The following SPTAN1 variants were observed in gnomAD, a reference collection of about 807,000 sequenced individuals.
The protein encoded by SPTAN1 is spectrin alpha chain, non-erythrocytic 1.
A neutral mutation model predicts 331.3 loss-of-function variants in SPTAN1; 61 were observed. That is an observed-to-expected ratio of 0.18 (90% CI 0.15 to 0.23). The LOEUF is 0.23. SPTAN1 is among the 10% of genes least tolerant of loss of function. The pLI is 1.00. For synonymous variants in SPTAN1, 1,153 were observed against 1,173.9 expected (o/e 0.98, Z 0.36); for missense variants, 2,043 against 3,147.9 (o/e 0.65, Z 8.40).
rs749009632 is a variant in SPTAN1 at position 128,621,164 on chromosome 9, C to G, written c.5740C>G (p.Leu1914Val). Residue 1914 changes from leucine (L) to valine (V), a missense_variant, in exon 45 of 57, where the codon CTG (leucine) becomes GTG (valine). Transcript: ENST00000372739. ...GDTLAAIQGL[L>V]KKHEAFETDF... ...TTGGCTGCTTCTACTCCAGGGCTTACTGAAGAAACATGAAGCTTTTGAGAC... is the reference window on the plus strand; with the variant it reads ...TTGGCTGCTTCTACTCCAGGGCTTAGTGAAGAAACATGAAGCTTTTGAGAC... 5 of 1,614,150 alleles carry G rather than the reference C, an allele frequency of 3.1e-6. No individual in the cohort carries two copies. In the South Asian group the frequency reaches 5.5e-5, roughly 18 times the overall value.
chr9:128,592,820 T>G (rs1046499350), intron 22 of SPTAN1, among the ~76,000 whole-genome samples, 163 bp from the exon 23 acceptor site: 2 of 152,226 alleles, frequency 1.3e-5, no homozygotes, highest in African/African-American at 4.8e-5. Context: ...TTTACTGTCA[T>G]GTCACTCATG....
At chr9:128,571,206 C>G (rs1418749491) in intron 3 of SPTAN1, among the ~76,000 whole-genome samples, 1 of 151,618 alleles carries the variant, frequency 6.6e-6, no homozygotes, top group Non-Finnish European at 1.5e-5. Flanking sequence ...GGGAGGATTG[C>G]TTGATCCTGG....
intron 31 of SPTAN1, among the ~76,000 whole-genome samples, chr9:128,606,560 C>T (rs765589582): frequency 2.0e-5 from 3 of 150,418 alleles, no homozygotes; most frequent in Non-Finnish European, 3.0e-5. Flanking sequence ...CTCAGCTCAC[C>T]GCAACCTCCG....
chr9:128,586,097 T>A, intron 19 of SPTAN1, 132 bp downstream of exon 19: 3 of 643,402 alleles, frequency 4.7e-6, no homozygotes, highest in African/African-American at 1.9e-5. Flanking sequence ...TGTTTTGGAA[T>A]CCATTTTTCA....
chr9:128,624,675 G>A (rs576636314), intron 46 of SPTAN1, 188 bp downstream of exon 46: 8 of 692,222 alleles, frequency 1.2e-5, no homozygotes, highest in African/African-American at 1.8e-5. Flanking sequence ...ACTGCCACCC[G>A]GAACTGGGCT....
At chr9:128,597,719 G>T (rs1229234607) in intron 24 of SPTAN1, among the ~76,000 whole-genome samples, 1 of 152,148 alleles carries the variant, frequency 6.6e-6, no homozygotes, top group Non-Finnish European at 1.5e-5. Context: ...CACGATTTTG[G>T]CTCACTGTAA....
At chr9:128,556,982 A>C (rs1361614792) in intron 1 of SPTAN1, among the ~76,000 whole-genome samples, 1 of 152,210 alleles carries the variant, frequency 6.6e-6, no homozygotes, top group Non-Finnish European at 1.5e-5. Flanking sequence ...TTGCTTTGCA[A>C]ATCTGAAATT....
chr9:128,594,001 G>T, intron 23 of SPTAN1, 174 bp from the exon 24 acceptor site: 1 of 691,402 alleles, frequency 1.4e-6, no homozygotes, highest in Non-Finnish European at 2.6e-6. Context: ...AGGCTGTGGC[G>T]TGGGTACTTG....
In SPTAN1 at chr9:128,583,174, GC is replaced by G. The variant is rs1177387485; in HGVS notation, c.1906del (p.Gln636LysfsTer3). On this transcript the variant is annotated frameshift_variant, in exon 15 of 57. Coordinates refer to ENST00000372739, the MANE Select transcript of SPTAN1 (RefSeq NM_001130438.3). LOFTEE classifies it high-confidence loss of function. ...QSRIDALEKA[G>X]QKLIDVNHYA... Reference sequence around the variant, plus strand: ...CGAATTGATGCCTTGGAGAAAGCTGGCCAAAAGCTGATTGATGTCAACCACT... The same window carrying G: ...CGAATTGATGCCTTGGAGAAAGCTGGCAAAAGCTGATTGATGTCAACCACT... The G allele has an allele frequency of 6.2e-7, 1 of 1,614,104 alleles. No homozygotes were observed. Among genetic ancestry groups the G allele is most frequent in the Non-Finnish European group, 8.5e-7 (1 of 1,180,030 alleles).
intron 51 of SPTAN1, chr9:128,628,207 A>G (rs759390847): frequency 6.2e-6 from 4 of 640,018 alleles, no homozygotes; most frequent in South Asian, 4.5e-5. Flanking sequence ...TTGGGTAGGG[A>G]AGGTGATGAA....
At chr9:128,612,033 G>T in intron 38 of SPTAN1, 76 bp from the exon 39 acceptor site, 1 of 1,612,676 alleles carries the variant, frequency 6.2e-7, no homozygotes. Context: ...TCTCTTAGAA[G>T]TTCTCAAATT....
chr9:128,582,610 T>G (rs1852082735), intron 13 of SPTAN1, 54 bp downstream of exon 13: 1 of 1,611,068 alleles, frequency 6.2e-7, no homozygotes, highest in South Asian at 1.1e-5. Flanking sequence ...ATGTCTCTTC[T>G]AAGATGTTCC....
chr9:128,601,746 G>A (rs1452087955), intron 27 of SPTAN1, among the ~76,000 whole-genome samples: 8 of 152,054 alleles, frequency 5.3e-5, no homozygotes, highest in East Asian at 1.9e-4. Context: ...CAACCTTTCC[G>A]TGTCCACCTT....
intron 37 of SPTAN1, 73 bp downstream of exon 37, chr9:128,609,738 G>T: frequency 9.8e-7 from 1 of 1,019,484 alleles, no homozygotes; most frequent in South Asian, 1.9e-5. Context: ...GTAGATTATT[G>T]TTATTATTGT....
At chr9:128,599,867 G>T in intron 26 of SPTAN1, 2 of 593,724 alleles carry the variant, frequency 3.4e-6, no homozygotes, top group South Asian at 2.1e-5. Flanking sequence ...AAAAAAATTG[G>T]AATTTTTCTC....
At chr9:128,622,658 A>G (rs983607802) in intron 45 of SPTAN1, among the ~76,000 whole-genome samples, 2 of 152,076 alleles carry the variant, frequency 1.3e-5, no homozygotes, top group African/African-American at 4.8e-5. Flanking sequence ...TTATCTTTCA[A>G]TTCTTTTTTC....
chr9:128,626,098 C>G, intron 48 of SPTAN1, 120 bp downstream of exon 48: 1 of 1,264,032 alleles, frequency 7.9e-7, no homozygotes, highest in Non-Finnish European at 1.1e-6. Flanking sequence ...GCAGAGCTTT[C>G]AAACATGGGT....
At chr9:128,613,072 A>G (rs906569384) in intron 39 of SPTAN1, among the ~76,000 whole-genome samples, 1 of 152,098 alleles carries the variant, frequency 6.6e-6, no homozygotes, top group African/African-American at 2.4e-5. Flanking sequence ...TTGAATATTA[A>G]TCTTTGTCCA....
intron 23 of SPTAN1, chr9:128,593,424 T>A (rs932557696): frequency 4.2e-6 from 1 of 237,090 alleles, no homozygotes; most frequent in Non-Finnish European, 8.4e-6. Flanking sequence ...ATTGCTTTTT[T>A]ATTTTACTTT....
Sources: allele counts gnomAD v4.1 joint callset (sites outside exome capture counted in the v4.1 genomes callset), GRCh38; gene constraint gnomAD v4.1.1; transcripts MANE v1.5; gene names NCBI Gene and HGNC (gene_info 2026-07-23, HGNC 2026-07-21).